The following PIK3C2G variants were observed in gnomAD, a reference collection of about 807,000 sequenced individuals.
PIK3C2G encodes the protein phosphatidylinositol 3-kinase C2 domain-containing subunit gamma.
PIK3C2G carries 168 observed loss-of-function variants against 181.1 expected under a neutral mutation model. The ratio of observed to expected loss-of-function variants is 0.93; its 90% CI spans 0.82 to 1.05. The LOEUF is 1.05. Ranked by LOEUF, PIK3C2G falls within the 50% of genes least tolerant of loss-of-function variation. The pLI is 0.00. For missense variants in PIK3C2G, 1,869 were observed against 1,732.8 expected (o/e 1.08, Z -1.40); for synonymous variants, 573 against 592.2 (o/e 0.97, Z 0.47).
At chr12:18,519,448 TTGATCCATTTACCA>T (rs1447238786) in intron 24 of PIK3C2G, among the ~76,000 whole-genome samples, 10 of 152,234 alleles carry the variant, frequency 6.6e-5, no homozygotes, top group Admixed American at 4.6e-4. Flanking sequence ...TCTTGTTGAA[TTGATCCATTTACCA>T]TTATGTAATG....
chr12:18,700,398 T>C, the PIK3C2G span, among the ~76,000 whole-genome samples: 1 of 151,460 alleles, frequency 6.6e-6, no homozygotes, highest in South Asian at 2.1e-4. Flanking sequence ...TTCTTGCTCA[T>C]GCTCAATCCA....
At chr12:18,542,143 T>G (rs554042722) in intron 25 of PIK3C2G, among the ~76,000 whole-genome samples, 1 of 151,910 alleles carries the variant, frequency 6.6e-6, no homozygotes, top group East Asian at 2.0e-4. Flanking sequence ...GAAACTGGAA[T>G]GCAATTCAGA....
chr12:18,563,182 C>T lies in PIK3C2G; in HGVS notation c.3781-195C>T, dbSNP rs535107008. On this transcript the variant is annotated intron_variant, in intron 27 of 32. Transcript: ENST00000538779. Reference sequence around the variant, plus strand: ...ACAGCAAAAATTAGGCAATCTGTTCCTAGCACATACAATTGTGATACTCTT... The same window carrying T: ...ACAGCAAAAATTAGGCAATCTGTTCTTAGCACATACAATTGTGATACTCTT... 5.3e-5 allele frequency among the ~76,000 whole-genome samples: 8 copies of T among 152,192 alleles called. No individual in the cohort carries two copies. The South Asian group carries it at 1.7e-3, about 32-fold the overall frequency.
chr12:18,461,461 G>A (rs1947915069), intron 18 of PIK3C2G, among the ~76,000 whole-genome samples: 1 of 152,098 alleles, frequency 6.6e-6, no homozygotes, highest in Admixed American at 6.6e-5. Flanking sequence ...TACATAGGGT[G>A]GAATTGATAG....
intron 6 of PIK3C2G, among the ~76,000 whole-genome samples, chr12:18,316,543 C>T (rs1052316981): frequency 6.6e-6 from 1 of 152,096 alleles, no homozygotes; most frequent in African/African-American, 2.4e-5. Flanking sequence ...GTAAATATCA[C>T]CAATTCTTGG....
intron 4 of PIK3C2G, among the ~76,000 whole-genome samples, chr12:18,291,706 C>T (rs1233760709): frequency 6.6e-6 from 1 of 151,968 alleles, no homozygotes; most frequent in Non-Finnish European, 1.5e-5. Context: ...TATTTCCTGG[C>T]ACATAATGAT....
chr12:18,425,106 A>T (rs1945719677), intron 18 of PIK3C2G: 1 of 196,992 alleles, frequency 5.1e-6, no homozygotes, highest in African/African-American at 2.3e-5. Flanking sequence ...AGAGTCTTTG[A>T]TGTTCCCATT....
intron 16 of PIK3C2G, among the ~76,000 whole-genome samples, chr12:18,400,774 A>G (rs1160759212): frequency 7.9e-5 from 12 of 152,180 alleles, no homozygotes; most frequent in South Asian, 6.2e-4. Context: ...CGAAATTTAC[A>G]TACTATTTTT....
intron 12 of PIK3C2G, 87 bp from the exon 13 acceptor site, chr12:18,371,093 G>T: frequency 1.9e-6 from 2 of 1,075,330 alleles, no homozygotes; most frequent in East Asian, 2.9e-5. Flanking sequence ...AAATATCTTT[G>T]TCCCAGACCA....
intron 26 of PIK3C2G, among the ~76,000 whole-genome samples, chr12:18,559,912 C>T (rs867862788): frequency 1.4e-5 from 2 of 147,072 alleles, no homozygotes; most frequent in East Asian, 2.1e-4. Context: ...GGCCCAGTCT[C>T]GGCTCACTGC....
At chr12:18,293,789 T>C (rs993834723) in intron 4 of PIK3C2G, 112 bp from the exon 5 acceptor site, 1 of 648,182 alleles carries the variant, frequency 1.5e-6, no homozygotes, top group Admixed American at 2.9e-5. Flanking sequence ...TTGATGAAGC[T>C]AGACAGTTAC....
At chr12:18,605,679 G>C (rs1232377976) in intron 30 of PIK3C2G, among the ~76,000 whole-genome samples, 1 of 152,078 alleles carries the variant, frequency 6.6e-6, no homozygotes, top group Non-Finnish European at 1.5e-5. Flanking sequence ...GTTAATCTAA[G>C]CATAGTTGAA....
chr12:18,354,997 C>T (rs1274245012), intron 11 of PIK3C2G, among the ~76,000 whole-genome samples: 1 of 152,254 alleles, frequency 6.6e-6, no homozygotes, highest in Non-Finnish European at 1.5e-5. Context: ...GAATTGTCCA[C>T]ATTCACTTAT....
chr12:18,352,739 G>A (rs780373024), intron 11 of PIK3C2G, among the ~76,000 whole-genome samples: 120 of 152,296 alleles, frequency 7.9e-4, no homozygotes, highest in Non-Finnish European at 1.6e-3. Context: ...CTAGAAAGGG[G>A]ATGGAGTGGG....
At chr12:18,472,564 G>T (rs1938560222) in intron 18 of PIK3C2G, among the ~76,000 whole-genome samples, 1 of 152,064 alleles carries the variant, frequency 6.6e-6, no homozygotes. Context: ...TATTGTCAGG[G>T]TTTGTGTAGG....
intron 18 of PIK3C2G, among the ~76,000 whole-genome samples, chr12:18,467,705 C>T (rs964442164): frequency 6.6e-6 from 1 of 151,858 alleles, no homozygotes; most frequent in Non-Finnish European, 1.5e-5. Flanking sequence ...GCAGAAAAGC[C>T]ATCTCTAAAA....
downstream of PIK3C2G, among the ~76,000 whole-genome samples, chr12:18,650,246 C>T (rs562875): frequency 0.17 from 25,218 of 150,430 alleles, 2,665 homozygotes; most frequent in African/African-American, 0.29. Context: ...TGATGTCAAA[C>T]CCATCATTCA....
chr12:18,449,211 C>A (rs542229131), intron 18 of PIK3C2G, among the ~76,000 whole-genome samples: 1 of 152,172 alleles, frequency 6.6e-6, no homozygotes, highest in South Asian at 2.1e-4. Flanking sequence ...TATGTCTCTG[C>A]TTTCATGCCA....
At chr12:18,416,188 TGG>T (rs1354829211) in intron 16 of PIK3C2G, among the ~76,000 whole-genome samples, 1 of 151,962 alleles carries the variant, frequency 6.6e-6, no homozygotes, top group African/African-American at 2.4e-5. Flanking sequence ...GAGGTTGCAG[TGG>T]GCTGAGATTG....
Sources: allele counts gnomAD v4.1 joint callset (sites outside exome capture counted in the v4.1 genomes callset), GRCh38; gene constraint gnomAD v4.1.1; transcripts MANE v1.5; gene names NCBI Gene and HGNC (gene_info 2026-07-23, HGNC 2026-07-21).